ARMC8: variants seen among roughly 807,000 people sequenced by gnomAD.
ARMC8 encodes armadillo repeat containing 8.
Under a neutral mutation model 99.3 loss-of-function variants are expected in ARMC8, and 20 were observed. That is an observed-to-expected ratio of 0.20 (90% CI 0.14 to 0.29). The LOEUF is 0.29. Ranked by LOEUF, ARMC8 falls within the 10% of genes least tolerant of loss-of-function variation. The pLI is 1.00. For missense variants in ARMC8, 569 were observed against 809.5 expected (o/e 0.70, Z 3.60); for synonymous variants, 263 against 278.3 (o/e 0.95, Z 0.55).
At chr3:138,234,140 C>G (rs2046207925) in intron 6 of ARMC8, among the ~76,000 whole-genome samples, 1 of 151,598 alleles carries the variant, frequency 6.6e-6, no homozygotes, top group Non-Finnish European at 1.5e-5. Context: ...GAGTCTCGCT[C>G]TGTTGCCCAG....
intron 14 of ARMC8, 135 bp from the exon 15 acceptor site, chr3:138,267,020 T>C: frequency 1.9e-6 from 1 of 538,068 alleles, no homozygotes; most frequent in South Asian, 3.2e-5. Flanking sequence ...ATCAAGTGGA[T>C]TCTTCCTATC....
rs142436908 is a variant in ARMC8, at chr3:138,290,463, G to C, written c.1895-83G>C. On this transcript the variant is annotated intron_variant, in intron 20 of 21. Coordinates refer to ENST00000469044, the MANE Select transcript of ARMC8 (RefSeq NM_001363941.2). ...GAGGAGTAGGGAGTGAAGGACACTG[G>C]TAAGGCTCTAGATTGTTAATTGTAC... 1,395 of 1,034,702 alleles carry C rather than the reference G, an allele frequency of 1.3e-3. 18 individuals are homozygous for C. The East Asian group carries it at 0.034, about 25-fold the overall frequency. 64.1% of individuals were successfully genotyped at this position (1,034,702 alleles called of 1,614,324 possible). A position where few individuals can be genotyped will look rare whatever the true frequency, so the allele number is the denominator to read the frequency against.
chr3:138,213,181 T>C (rs1396034294), intron 2 of ARMC8, among the ~76,000 whole-genome samples: 1 of 152,232 alleles, frequency 6.6e-6, no homozygotes, highest in Middle Eastern at 3.2e-3. Flanking sequence ...TAATGATTCT[T>C]CATCATAGTC....
At chr3:138,255,265 T>G (rs759709612) in intron 12 of ARMC8, among the ~76,000 whole-genome samples, 4 of 148,096 alleles carry the variant, frequency 2.7e-5, no homozygotes, top group East Asian at 2.0e-4. Flanking sequence ...TGCAGTGGCG[T>G]GATCTCGGCT....
chr3:138,217,759 GCTTA>G (rs67908294), intron 2 of ARMC8, among the ~76,000 whole-genome samples: 26,022 of 152,032 alleles, frequency 0.17, 2,734 homozygotes, highest in Middle Eastern at 0.26. Flanking sequence ...TATCCCCAAG[GCTTA>G]CTTATTCTTA....
intron 18 of ARMC8, among the ~76,000 whole-genome samples, chr3:138,280,587 G>A (rs533675653): frequency 4.6e-5 from 7 of 150,672 alleles, no homozygotes; most frequent in South Asian, 2.1e-4. Flanking sequence ...TCCGTCTTCC[G>A]GGTTCACGCC....
intron 21 of ARMC8, 140 bp from the exon 22 acceptor site, chr3:138,295,719 A>G: frequency 1.3e-6 from 1 of 743,984 alleles, no homozygotes; most frequent in Non-Finnish European, 2.2e-6. Flanking sequence ...CCCTTAAGGT[A>G]GGTGCCCACC....
At chr3:138,263,964 C>T (rs1010624356) in intron 13 of ARMC8, 143 bp downstream of exon 13, 3 of 970,108 alleles carry the variant, frequency 3.1e-6, no homozygotes, top group Non-Finnish European at 4.8e-6. Flanking sequence ...ATAACATTGT[C>T]TAACAGAGAG....
intron 1 of ARMC8, among the ~76,000 whole-genome samples, chr3:138,196,341 G>T (rs989075067): frequency 2.6e-5 from 4 of 152,070 alleles, no homozygotes; most frequent in Non-Finnish European, 5.9e-5. Context: ...TTTGTAGTCA[G>T]TTGGAAAAAA....
intron 1 of ARMC8, among the ~76,000 whole-genome samples, chr3:138,192,846 G>A (rs2043471571): frequency 6.6e-6 from 1 of 151,648 alleles, no homozygotes; most frequent in Non-Finnish European, 1.5e-5. Context: ...GAAAATCTTC[G>A]CTTATTTGCC....
chr3:138,246,714 G>C (rs2108198618), intron 12 of ARMC8: 17 of 984,874 alleles, frequency 1.7e-5, no homozygotes, highest in Middle Eastern at 5.2e-4. Context: ...AACTGTTTTG[G>C]AATTAATGGC....
At chr3:138,226,297 C>A (rs1445415465) in intron 5 of ARMC8, among the ~76,000 whole-genome samples, 1 of 152,160 alleles carries the variant, frequency 6.6e-6, no homozygotes, top group East Asian at 1.9e-4. Context: ...CCCAGCCTAA[C>A]ATCTTTATTT....
intron 2 of ARMC8, among the ~76,000 whole-genome samples, chr3:138,213,049 G>T (rs1004908966): frequency 1.1e-4 from 17 of 152,204 alleles, no homozygotes; most frequent in Non-Finnish European, 1.5e-5. Context: ...CAGGAAGATT[G>T]CTGGAGCCTA....
Position 138,256,402 on chromosome 3 carries a change from C to CTTTTTTT in ARMC8, c.1135-7318_1135-7312dup, listed in dbSNP as rs71146121. Among the ~76,000 whole-genome samples, 175 of 90,280 alleles carry CTTTTTTT rather than the reference C, an allele frequency of 1.9e-3. 4 individuals are homozygous for CTTTTTTT. Among genetic ancestry groups the CTTTTTTT allele is most frequent in the Middle Eastern group, 0.01 (1 of 100 alleles). 59.2% of individuals were successfully genotyped at this position (90,280 alleles called of 152,430 possible). On this transcript the variant is annotated intron_variant, in intron 12 of 21. Coordinates refer to ENST00000469044, the MANE Select transcript of ARMC8 (RefSeq NM_001363941.2). The stretch of plus-strand genomic sequence containing the variant: ...TAAAGTATATCTTTTTTTCCTCCTT[C>CTTTTTTT]TTTTTTTTTTTTTTTTTTTTTTTTT...
At chr3:138,200,638 A>G (rs1388398520) in intron 1 of ARMC8, among the ~76,000 whole-genome samples, 1 of 152,020 alleles carries the variant, frequency 6.6e-6, no homozygotes, top group African/African-American at 2.4e-5. Flanking sequence ...GACTTAAAAA[A>G]TGGATCCTGA....
chr3:138,268,401 G>A (rs966428975), intron 15 of ARMC8, among the ~76,000 whole-genome samples: 2 of 152,096 alleles, frequency 1.3e-5, no homozygotes, highest in Non-Finnish European at 2.9e-5. Context: ...CCCTGTAGAC[G>A]GGGTCTTGGC....
In ARMC8 at chr3:138,200,904, C is replaced by CTTT. The variant is rs34087212; in HGVS notation, c.46-8889_46-8887dup. Among the ~76,000 whole-genome samples, 25 of 63,352 alleles carry CTTT rather than the reference C, an allele frequency of 3.9e-4. 2 individuals are homozygous for CTTT. Among genetic ancestry groups the CTTT allele is most frequent in the South Asian group, 6.9e-4 (1 of 1,444 alleles). 41.6% of individuals were successfully genotyped at this position (63,352 alleles called of 152,430 possible). A position where few individuals can be genotyped will look rare whatever the true frequency, so the allele number is the denominator to read the frequency against. ...TGAAATGTACACACCCTTCAGTGGG[C>CTTT]TTTTTTTTTTTTTTTTTTTTTTTTT... On this transcript the variant is annotated intron_variant, in intron 1 of 21. Transcript: ENST00000469044.
intron 1 of ARMC8, among the ~76,000 whole-genome samples, chr3:138,206,948 G>T (rs574508488): frequency 3.7e-4 from 56 of 152,258 alleles, no homozygotes; most frequent in African/African-American, 1.3e-3. Context: ...ACCTTCTTTG[G>T]CATCTAGCAT....
At position 138,214,227 on chromosome 3, in the gene ARMC8, C is replaced by T. The variant is rs2044875558; in HGVS notation, c.122+4334C>T. Among the ~76,000 whole-genome samples, 3 of 150,314 alleles carry T rather than the reference C, an allele frequency of 2.0e-5. No individual in the cohort carries two copies. In the South Asian group the frequency reaches 6.4e-4, roughly 32 times the overall value. On this transcript the variant is annotated intron_variant, in intron 2 of 21. Transcript: ENST00000469044. Reference sequence around the variant, plus strand: ...TTGTTGATATTGCTATGTTGAAAAGCAAAAGATGATATAAGCCAACGTAGC... The same window carrying T: ...TTGTTGATATTGCTATGTTGAAAAGTAAAAGATGATATAAGCCAACGTAGC...
Sources: gnomAD v4.1 joint callset for allele counts (sites outside exome capture counted in the v4.1 genomes callset) on GRCh38, gnomAD v4.1.1 for gene constraint, MANE v1.5 for transcripts, NCBI Gene and HGNC (gene_info 2026-07-23, HGNC 2026-07-21) for gene names.